STK39: variants seen among roughly 807,000 people sequenced by gnomAD.
STK39 encodes the protein serine/threonine kinase 39, also known as STE20/SPS1-related proline-alanine-rich protein kinase.
STK39 carries 20 observed loss-of-function variants against 77.8 expected under a neutral mutation model. The ratio of observed to expected loss-of-function variants is 0.26; its 90% confidence interval spans 0.18 to 0.37. STK39 has a LOEUF of 0.37. Among genes scored for constraint, STK39 ranks in the 10% least tolerant of loss-of-function variants. The pLI is 1.00. For synonymous variants in STK39, 246 were observed against 234.1 expected (o/e 1.05, Z -0.47); for missense variants, 479 against 656.5 (o/e 0.73, Z 2.95).
intron 10 of STK39, among the ~76,000 whole-genome samples, chr2:168,092,170 C>T (rs1032508656): frequency 2.6e-5 from 4 of 152,176 alleles, no homozygotes; most frequent in South Asian, 2.1e-4. Context: ...AGAGTAGGAA[C>T]GTCAGTGTTT....
intron 7 of STK39, among the ~76,000 whole-genome samples, chr2:168,139,232 T>C (rs1401062302): frequency 6.6e-6 from 1 of 151,928 alleles, no homozygotes; most frequent in African/African-American, 2.4e-5. Flanking sequence ...AGAAAGAAAA[T>C]GAAGAAAGAA....
At chr2:168,052,342 A>G (rs1685420093) in intron 14 of STK39, among the ~76,000 whole-genome samples, 2 of 152,218 alleles carry the variant, frequency 1.3e-5, no homozygotes, top group South Asian at 4.1e-4. Flanking sequence ...GTCTTTATAT[A>G]GATAAGCATG....
At chr2:168,190,697 G>C (rs964982074) in intron 1 of STK39, among the ~76,000 whole-genome samples, 1 of 152,196 alleles carries the variant, frequency 6.6e-6, no homozygotes, top group Non-Finnish European at 1.5e-5. Context: ...ATCCATGTCA[G>C]GGAACACTGC....
intron 10 of STK39, among the ~76,000 whole-genome samples, chr2:168,078,324 G>C (rs968274135): frequency 2.0e-5 from 3 of 152,178 alleles, no homozygotes; most frequent in Admixed American, 6.5e-5. Context: ...GAACAAAGGA[G>C]AAGCATGGTT....
intron 1 of STK39, among the ~76,000 whole-genome samples, chr2:168,185,388 G>A (rs549991772): frequency 4.6e-5 from 7 of 152,140 alleles, no homozygotes; most frequent in East Asian, 1.9e-4. Flanking sequence ...AGTAATTCCC[G>A]ACTAAGAACA....
intron 14 of STK39, among the ~76,000 whole-genome samples, chr2:168,021,353 G>C (rs1409801318): frequency 6.6e-6 from 1 of 152,042 alleles, no homozygotes; most frequent in African/African-American, 2.4e-5. Context: ...TAAAATACTC[G>C]CCTTTGAAAA....
At chr2:168,059,318 C>T (rs1685604398) in intron 14 of STK39, among the ~76,000 whole-genome samples, 2 of 152,178 alleles carry the variant, frequency 1.3e-5, no homozygotes, top group Admixed American at 1.3e-4. Context: ...AGTTATGGCA[C>T]ATGGCAAAGG....
intron 10 of STK39, among the ~76,000 whole-genome samples, chr2:168,115,792 T>C (rs2105478510): frequency 6.6e-6 from 1 of 152,290 alleles, no homozygotes; most frequent in East Asian, 1.9e-4. Flanking sequence ...GAGCTGACAC[T>C]TCCAGGGGGA....
In STK39 at chr2:167,989,083, T is replaced by C. The variant is rs1013477037; in HGVS notation, c.1498+23551A>G. Among the ~76,000 whole-genome samples, 4 of 152,192 alleles carry C rather than the reference T, an allele frequency of 2.6e-5. No individual in the cohort carries two copies. In the East Asian group the frequency reaches 7.7e-4, roughly 29 times the overall value. On this transcript the variant is annotated intron_variant, in intron 16 of 17. Coordinates refer to ENST00000355999, the MANE Select transcript of STK39 (RefSeq NM_013233.3). ...ATAGATAGCCATTGGTTGGTACAGATGAAAGATTAGGCCAGGGTAGGGATG... is the reference window on the plus strand; with the variant it reads ...ATAGATAGCCATTGGTTGGTACAGACGAAAGATTAGGCCAGGGTAGGGATG...
In STK39 at chr2:168,161,738, G is replaced by GT. The variant is rs780958111; in HGVS notation, c.628+48dup. ...GAATGATTCTACATTCCTTGAAACT[G>GT]TAACACTTCCGTAATCAAGTAAAAA... On this transcript the variant is annotated intron_variant, in intron 5 of 17. Coordinates refer to ENST00000355999, the MANE Select transcript of STK39 (RefSeq NM_013233.3). 2.2e-6 allele frequency: 3 copies of GT among 1,349,380 alleles called. No individual in the cohort carries two copies. In the African/African-American group the frequency reaches 4.4e-5, roughly 20 times the overall value. 83.6% of individuals were successfully genotyped at this position (1,349,380 alleles called of 1,614,324 possible). A position where few individuals can be genotyped will look rare whatever the true frequency, so the allele number is the denominator to read the frequency against.
intron 8 of STK39, among the ~76,000 whole-genome samples, chr2:168,135,500 T>C (rs762000079): frequency 2.6e-5 from 4 of 152,134 alleles, no homozygotes; most frequent in Admixed American, 6.5e-5. Flanking sequence ...ATGTGGCATC[T>C]GAACCAAGCA....
intron 16 of STK39, among the ~76,000 whole-genome samples, chr2:167,968,403 A>T (rs2105246566): frequency 6.6e-6 from 1 of 152,360 alleles, no homozygotes; most frequent in Admixed American, 6.5e-5. Context: ...ATTACTATTT[A>T]CAGTCTACGT....
chr2:168,125,260 A>T (rs1687511866), intron 10 of STK39, among the ~76,000 whole-genome samples: 2 of 152,146 alleles, frequency 1.3e-5, no homozygotes, highest in Non-Finnish European at 2.9e-5. Flanking sequence ...AAGCATCTAC[A>T]TTCAATTTTA....
chr2:168,005,371 T>C (rs1415986520), intron 16 of STK39, among the ~76,000 whole-genome samples: 1 of 151,600 alleles, frequency 6.6e-6, no homozygotes, highest in Non-Finnish European at 1.5e-5. Context: ...ATGTGACAAT[T>C]CTATTTCTGA....
intron 16 of STK39, among the ~76,000 whole-genome samples, chr2:167,971,024 T>C (rs1180651995): frequency 3.3e-5 from 5 of 152,260 alleles, no homozygotes; most frequent in African/African-American, 1.2e-4. Context: ...GAAGTTTTTC[T>C]TTTGACAGAT....
chr2:167,992,631 G>A (rs1467520180), intron 16 of STK39, among the ~76,000 whole-genome samples: 2 of 152,154 alleles, frequency 1.3e-5, no homozygotes. Context: ...ACTTGAGACA[G>A]AAAATATGGG....
intron 1 of STK39, among the ~76,000 whole-genome samples, chr2:168,212,364 A>G (rs189203977): frequency 1.3e-5 from 2 of 152,250 alleles, no homozygotes; most frequent in East Asian, 3.9e-4. Context: ...AACCTTAAGT[A>G]CAGACCAATA....
At chr2:167,974,777 G>C (rs1683230451) in intron 16 of STK39, among the ~76,000 whole-genome samples, 1 of 152,166 alleles carries the variant, frequency 6.6e-6, no homozygotes, top group Non-Finnish European at 1.5e-5. Flanking sequence ...TTCACAAAAG[G>C]ATGGAAAGGA....
At chr2:168,111,057 T>C (rs1258784506) in intron 10 of STK39, among the ~76,000 whole-genome samples, 1 of 152,180 alleles carries the variant, frequency 6.6e-6, no homozygotes, top group Non-Finnish European at 1.5e-5. Flanking sequence ...TACTCATCTT[T>C]CTATTTTTTC....
Sources: gnomAD v4.1 joint callset for allele counts (sites outside exome capture counted in the v4.1 genomes callset) on GRCh38, gnomAD v4.1.1 for gene constraint, MANE v1.5 for transcripts, NCBI Gene and HGNC (gene_info 2026-07-23, HGNC 2026-07-21) for gene names.